Variants in TMEM132D observed in about 807,000 individuals in gnomAD.
TMEM132D encodes transmembrane protein 132D.
A neutral mutation model predicts 62.3 loss-of-function variants in TMEM132D; 21 were observed. The ratio of observed to expected loss-of-function variants is 0.34; its 90% CI spans 0.24 to 0.49. TMEM132D has a LOEUF of 0.49. Among genes scored for constraint, TMEM132D ranks in the 20% least tolerant of loss-of-function variants. TMEM132D has a pLI of 0.99. For synonymous variants in TMEM132D, 621 were observed against 575.6 expected (o/e 1.08, Z -1.13); for missense variants, 1,346 against 1,402.8 (o/e 0.96, Z 0.65).
chr12:129,775,761 A>G (rs2137286471), intron 1 of TMEM132D, among the ~76,000 whole-genome samples: 1 of 152,326 alleles, frequency 6.6e-6, no homozygotes, highest in South Asian at 2.1e-4. Context: ...CTCTGTCCCC[A>G]CAGATCAGCA....
chr12:129,725,168 G>C (rs1868986310), intron 1 of TMEM132D, among the ~76,000 whole-genome samples: 1 of 152,216 alleles, frequency 6.6e-6, no homozygotes, highest in Non-Finnish European at 1.5e-5. Flanking sequence ...TCATTGGCAA[G>C]AGACGTGGCT....
intron 1 of TMEM132D, among the ~76,000 whole-genome samples, chr12:129,819,465 C>T (rs1337175758): frequency 6.6e-6 from 1 of 152,180 alleles, no homozygotes; most frequent in Non-Finnish European, 1.5e-5. Flanking sequence ...CCCCCAGTTC[C>T]ACCAGGGATG....
chr12:129,483,742 G>A (rs1874496376), intron 3 of TMEM132D, among the ~76,000 whole-genome samples: 1 of 152,146 alleles, frequency 6.6e-6, no homozygotes, highest in African/African-American at 2.4e-5. Context: ...GCAAATGTCA[G>A]CACAAAACTC....
intron 5 of TMEM132D, among the ~76,000 whole-genome samples, chr12:129,190,090 C>A (rs1305827259): frequency 9.1e-6 from 1 of 110,492 alleles, no homozygotes; most frequent in Non-Finnish European, 2.0e-5. Flanking sequence ...GGAAGGGAGT[C>A]TCAGGCTTGC....
intron 5 of TMEM132D, among the ~76,000 whole-genome samples, chr12:129,160,213 GT>G (rs1379277335): frequency 6.6e-6 from 1 of 152,166 alleles, no homozygotes; most frequent in Non-Finnish European, 1.5e-5. Context: ...CATCCATTTT[GT>G]CTTCTATTTT....
chr12:129,640,233 C>T (rs530692843), intron 2 of TMEM132D, among the ~76,000 whole-genome samples: 65 of 152,134 alleles, frequency 4.3e-4, no homozygotes, highest in Non-Finnish European at 5.1e-4. Flanking sequence ...TTCTCCAGGC[C>T]AAGGAATCGT....
chr12:129,430,889 G>C (rs545141035), intron 3 of TMEM132D, among the ~76,000 whole-genome samples: 3 of 151,762 alleles, frequency 2.0e-5, no homozygotes, highest in South Asian at 2.1e-4. Context: ...CAGGAGAGTG[G>C]GGGGAGACAG....
In TMEM132D at chr12:129,899,252, CACGG is replaced by C. The variant is rs377485601; in HGVS notation, c.79+4005_79+4008del. 1.1e-3 allele frequency among the ~76,000 whole-genome samples: 139 copies of C among 123,772 alleles called. 1 individual carries two copies. The highest frequency in any genetic ancestry group is 6.9e-3 in the East Asian group (32 of 4,608). The allele number at this position is 123,772 out of a possible 152,430, so 81.2% of individuals were successfully genotyped here. On this transcript the variant is annotated intron_variant, in intron 1 of 8. Transcript: ENST00000422113. ...GGAAGGATGGATGGATGGATGGATGCACGGATGGATGGATGGATGGATGGATGCA... is the reference window on the plus strand; with the variant it reads ...GGAAGGATGGATGGATGGATGGATGCATGGATGGATGGATGGATGGATGCA...
chr12:129,538,474 A>G (rs1876470825), intron 2 of TMEM132D, among the ~76,000 whole-genome samples: 1 of 152,022 alleles, frequency 6.6e-6, no homozygotes, highest in Non-Finnish European at 1.5e-5. Flanking sequence ...CAGTAGTCCC[A>G]CTCTATCCTT....
At chr12:129,573,573 A>G (rs1877578138) in intron 2 of TMEM132D, among the ~76,000 whole-genome samples, 1 of 152,182 alleles carries the variant, frequency 6.6e-6, no homozygotes. Context: ...AAATTCTCCA[A>G]TGAGTTTTTA....
At chr12:129,829,328 C>T (rs1872759717) in intron 1 of TMEM132D, among the ~76,000 whole-genome samples, 1 of 152,096 alleles carries the variant, frequency 6.6e-6, no homozygotes, top group South Asian at 2.1e-4. Context: ...GGGACATCTC[C>T]TTCCTCTTCC....
At chr12:129,652,862 T>C (rs1433833471) in intron 2 of TMEM132D, among the ~76,000 whole-genome samples, 1 of 152,182 alleles carries the variant, frequency 6.6e-6, no homozygotes, top group Non-Finnish European at 1.5e-5. Context: ...TGCCAGGAAC[T>C]GGATGTAAAG....
chr12:129,800,643 TC>T (rs1015528291), intron 1 of TMEM132D, among the ~76,000 whole-genome samples: 3 of 152,098 alleles, frequency 2.0e-5, no homozygotes, highest in Admixed American at 6.5e-5. Flanking sequence ...GCACCTTTGC[TC>T]CCAAACGTCA....
intron 5 of TMEM132D, among the ~76,000 whole-genome samples, chr12:129,196,132 A>G (rs1384041610): frequency 6.6e-6 from 1 of 152,086 alleles, no homozygotes; most frequent in Non-Finnish European, 1.5e-5. Context: ...ATCTCAAAAA[A>G]AGAAAAAAAA....
At chr12:129,133,407 C>T (rs1377326944) in intron 5 of TMEM132D, among the ~76,000 whole-genome samples, 1 of 152,212 alleles carries the variant, frequency 6.6e-6, no homozygotes, top group Non-Finnish European at 1.5e-5. Flanking sequence ...AAATATTATT[C>T]AGCCTTAAAA....
At chr12:129,486,439 C>T (rs891093703) in intron 3 of TMEM132D, among the ~76,000 whole-genome samples, 1 of 152,244 alleles carries the variant, frequency 6.6e-6, no homozygotes. Context: ...GTGTGTTTAC[C>T]ACTTATTCTC....
intron 2 of TMEM132D, among the ~76,000 whole-genome samples, chr12:129,636,220 A>G (rs1354828729): frequency 6.6e-6 from 1 of 152,232 alleles, no homozygotes; most frequent in Non-Finnish European, 1.5e-5. Context: ...TGGAGAGGGA[A>G]GGGGATTATC....
intron 4 of TMEM132D, among the ~76,000 whole-genome samples, chr12:129,232,843 G>C (rs1479884516): frequency 6.6e-6 from 1 of 152,114 alleles, no homozygotes; most frequent in Non-Finnish European, 1.5e-5. Context: ...GAGAGAGAGA[G>C]AGAGAGCACA....
chr12:129,286,859 C>A (rs1171063270), intron 4 of TMEM132D, among the ~76,000 whole-genome samples: 1 of 152,066 alleles, frequency 6.6e-6, no homozygotes. Context: ...ACCAGCCAGG[C>A]CAACATGGTG....
Sources: allele counts gnomAD v4.1 joint callset (sites outside exome capture counted in the v4.1 genomes callset), GRCh38; gene constraint gnomAD v4.1.1; transcripts MANE v1.5; gene names NCBI Gene and HGNC (gene_info 2026-07-23, HGNC 2026-07-21).